The following KHDRBS2 variants were observed in gnomAD, a reference collection of about 807,000 sequenced individuals.
The protein encoded by KHDRBS2 is KH domain-containing, RNA-binding, signal transduction-associated protein 2.
A neutral mutation model predicts 44.3 loss-of-function variants in KHDRBS2; 26 were observed. The ratio of observed to expected loss-of-function variants is 0.59; its 90% CI spans 0.43 to 0.81. The LOEUF (loss-of-function observed/expected upper bound fraction) is 0.81, where lower values mean the gene tolerates loss of function less well. Ranked by LOEUF, KHDRBS2 falls within the 40% of genes least tolerant of loss-of-function variation. The pLI, the probability that KHDRBS2 is intolerant of heterozygous loss-of-function variation, is 0.00. For synonymous variants in KHDRBS2, 194 were observed against 151.1 expected, an observed-to-expected ratio of 1.28 and a Z score of -2.08; for missense variants, 476 against 433.1, an observed-to-expected ratio of 1.10 and a Z score of -0.88.
the KHDRBS2 span, among the ~76,000 whole-genome samples, chr6:61,663,500 C>CATATATATATATATATATATATATAT: frequency 0.018 from 648 of 35,912 alleles, 165 homozygotes; most frequent in Non-Finnish European, 0.024. Context: ...CATGAGACAC[C>CATATATATATATATATATATATATAT]ATATATATAT....
chr6:62,042,483 T>C (rs1786742289), intron 3 of KHDRBS2, among the ~76,000 whole-genome samples: 1 of 152,072 alleles, frequency 6.6e-6, no homozygotes, highest in Admixed American at 6.6e-5. Context: ...TATAAACTGC[T>C]TTGGTGTTCA....
intron 6 of KHDRBS2, among the ~76,000 whole-genome samples, chr6:61,737,363 C>T (rs928063061): frequency 6.6e-6 from 1 of 151,980 alleles, no homozygotes; most frequent in African/African-American, 2.4e-5. Context: ...TTTTCCAATA[C>T]TTGATATATT....
At chr6:61,558,277 C>T in the KHDRBS2 span, among the ~76,000 whole-genome samples, 2 of 152,008 alleles carry the variant, frequency 1.3e-5, no homozygotes, top group East Asian at 1.9e-4. Flanking sequence ...CATAAACTTC[C>T]TTGGCTGGGT....
intron 2 of KHDRBS2, among the ~76,000 whole-genome samples, chr6:62,056,647 C>A (rs1483907823): frequency 2.6e-5 from 4 of 151,858 alleles, no homozygotes; most frequent in Non-Finnish European, 5.9e-5. Context: ...AAGAACAATT[C>A]AAGTTGAGTT....
chr6:61,948,338 A>G (rs1330143305), intron 4 of KHDRBS2, among the ~76,000 whole-genome samples: 1 of 152,112 alleles, frequency 6.6e-6, no homozygotes, highest in African/African-American at 2.4e-5. Flanking sequence ...TTTTTAAGCT[A>G]TAATAATTGC....
intron 3 of KHDRBS2, among the ~76,000 whole-genome samples, chr6:62,000,174 A>T (rs1777983347): frequency 6.6e-6 from 1 of 152,122 alleles, no homozygotes; most frequent in African/African-American, 2.4e-5. Context: ...CTGGATCATG[A>T]CATAAAACAT....
chr6:61,687,290 C>T (rs1766923574), intron 8 of KHDRBS2, among the ~76,000 whole-genome samples: 1 of 151,658 alleles, frequency 6.6e-6, no homozygotes, highest in African/African-American at 2.4e-5. Context: ...ACTTTTATCA[C>T]TCTTTCAAAT....
chr6:61,877,980 A>G (rs552467592), intron 6 of KHDRBS2, among the ~76,000 whole-genome samples: 23 of 152,024 alleles, frequency 1.5e-4, no homozygotes, highest in Non-Finnish European at 2.9e-4. Flanking sequence ...TGATAAAATT[A>G]ATATTGAATA....
chr6:61,892,715 C>A (rs1466198078), intron 6 of KHDRBS2, among the ~76,000 whole-genome samples: 1 of 152,198 alleles, frequency 6.6e-6, no homozygotes. Flanking sequence ...AAAGCTGAAA[C>A]TGGATCCCTT....
At chr6:61,586,743 T>C in the KHDRBS2 span, among the ~76,000 whole-genome samples, 1 of 151,866 alleles carries the variant, frequency 6.6e-6, no homozygotes, top group Non-Finnish European at 1.5e-5. Flanking sequence ...AAGGAAAGAA[T>C]AAAGCCAGCC....
chr6:61,676,289 G>A (rs1765934769), downstream of KHDRBS2, among the ~76,000 whole-genome samples: 1 of 151,762 alleles, frequency 6.6e-6, no homozygotes, highest in South Asian at 2.1e-4. Flanking sequence ...GCCTATAAAT[G>A]TCTCTGCTAT....
rs545141587 is a variant in KHDRBS2, at chr6:61,769,620, C to T, written c.811-36856G>A. On this transcript the variant is annotated intron_variant, in intron 6 of 8. Transcript: ENST00000281156. ...CCAAGATCAAACTGCAAGGCGGCAGCGAGGCTGGGGGGGCGGCGCCCGCCA... is the reference window on the plus strand; with the variant it reads ...CCAAGATCAAACTGCAAGGCGGCAGTGAGGCTGGGGGGGCGGCGCCCGCCA... Among the ~76,000 whole-genome samples the T allele has an allele frequency of 6.6e-3, 844 of 128,256 alleles. 10 individuals carry two copies. Among genetic ancestry groups the T allele is most frequent in the African/African-American group, 0.027 (767 of 28,084 alleles). 84.1% of individuals were successfully genotyped at this position (128,256 alleles called of 152,430 possible).
the KHDRBS2 span, among the ~76,000 whole-genome samples, chr6:61,569,863 C>A: frequency 6.6e-6 from 1 of 152,266 alleles, no homozygotes; most frequent in East Asian, 1.9e-4. Context: ...AGTCCCATCC[C>A]TAGGGGAAAG....
chr6:62,071,102 T>A (rs1360181756), intron 2 of KHDRBS2, among the ~76,000 whole-genome samples: 1 of 152,140 alleles, frequency 6.6e-6, no homozygotes, highest in South Asian at 2.1e-4. Flanking sequence ...ATGATGAGCA[T>A]TTTTTTCATG....
chr6:62,225,853 C>T lies in KHDRBS2; in HGVS notation c.92-48541G>A, dbSNP rs112989573. Among the ~76,000 whole-genome samples, 1,432 of 152,288 alleles carry T rather than the reference C, an allele frequency of 9.4e-3. 24 individuals are homozygous for T. The highest frequency in any genetic ancestry group is 0.033 in the African/African-American group (1,373 of 41,540). ...GCTTCCTGCTTCATACATGTCCCTA[C>T]AAAAACCATGATCTCATTGCTTTTT... is the stretch of plus-strand genomic sequence containing the variant. On this transcript the variant is annotated intron_variant, in intron 1 of 8. Transcript: ENST00000281156.
chr6:61,579,437 T>G, the KHDRBS2 span, among the ~76,000 whole-genome samples: 41 of 152,296 alleles, frequency 2.7e-4, no homozygotes, highest in African/African-American at 9.1e-4. Flanking sequence ...GACCTCACAC[T>G]TCTCATTTTG....
intron 4 of KHDRBS2, among the ~76,000 whole-genome samples, chr6:61,953,742 G>C (rs1033677483): frequency 6.6e-6 from 1 of 152,116 alleles, no homozygotes; most frequent in Non-Finnish European, 1.5e-5. Flanking sequence ...GACACTGTTG[G>C]AGAGAGATAG....
intron 7 of KHDRBS2, among the ~76,000 whole-genome samples, chr6:61,709,726 CTAAT>C (rs1213802079): frequency 2.6e-5 from 4 of 151,710 alleles, no homozygotes; most frequent in African/African-American, 9.6e-5. Flanking sequence ...TTTCCACTGA[CTAAT>C]TAGGCTCAGT....
intron 2 of KHDRBS2, among the ~76,000 whole-genome samples, chr6:62,096,693 G>A (rs1800682055): frequency 6.6e-6 from 1 of 151,298 alleles, no homozygotes; most frequent in African/African-American, 2.4e-5. Context: ...TTTTTGTATA[G>A]ATTTAAAAAA....
Sources: allele counts gnomAD v4.1 joint callset (sites outside exome capture counted in the v4.1 genomes callset), GRCh38; gene constraint gnomAD v4.1.1; transcripts MANE v1.5; gene names NCBI Gene and HGNC (gene_info 2026-07-23, HGNC 2026-07-21).